PEX5L: variants seen among roughly 807,000 people sequenced by gnomAD.
PEX5L encodes peroxisomal biogenesis factor 5 like.
A neutral mutation model predicts 84.0 loss-of-function variants in PEX5L; 30 were observed. The observed-to-expected ratio is 0.36, with a 90% CI of 0.27 to 0.48. The LOEUF (loss-of-function observed/expected upper bound fraction) is 0.48. Ranked by LOEUF, PEX5L falls within the 20% of genes least tolerant of loss-of-function variation. The pLI is 0.99. For missense variants in PEX5L, 533 were observed against 754.6 expected, an observed-to-expected ratio of 0.71 and a Z score of 3.44; for synonymous variants, 270 against 283.1, an observed-to-expected ratio of 0.95 and a Z score of 0.46.
At chr3:180,030,428 C>T (rs1451289449) in intron 1 of PEX5L, among the ~76,000 whole-genome samples, 1 of 152,202 alleles carries the variant, frequency 6.6e-6, no homozygotes, top group Non-Finnish European at 1.5e-5. Context: ...CCTAACTTAA[C>T]ACCAGTTTTA....
chr3:180,017,342 T>C (rs1790032400), intron 1 of PEX5L, among the ~76,000 whole-genome samples: 1 of 152,194 alleles, frequency 6.6e-6, no homozygotes. Flanking sequence ...AAAAAGAATA[T>C]ATGGATTACA....
At chr3:179,942,758 C>T (rs1776498158) in intron 2 of PEX5L, among the ~76,000 whole-genome samples, 1 of 152,224 alleles carries the variant, frequency 6.6e-6, no homozygotes, top group African/African-American at 2.4e-5. Flanking sequence ...TTGATGGGAA[C>T]AGGGAGTTAG....
At chr3:179,815,500 G>A (rs993107876) in intron 10 of PEX5L, among the ~76,000 whole-genome samples, 14 of 152,330 alleles carry the variant, frequency 9.2e-5, no homozygotes, top group Middle Eastern at 3.4e-3. Flanking sequence ...CAGGGGAATC[G>A]CTTGAACCTG....
intron 1 of PEX5L, among the ~76,000 whole-genome samples, chr3:180,035,375 C>G (rs983310375): frequency 8.5e-5 from 13 of 152,056 alleles, no homozygotes; most frequent in African/African-American, 3.1e-4. Flanking sequence ...ACTTCATTCA[C>G]TACTTTTTGT....
chr3:179,829,943 A>ATTTTT (rs11352022), intron 8 of PEX5L, among the ~76,000 whole-genome samples: 15 of 83,626 alleles, frequency 1.8e-4, no homozygotes, highest in African/African-American at 3.4e-4. Flanking sequence ...GGCCTGGCTA[A>ATTTTT]TTTTTTTTTT....
At chr3:179,990,468 T>C (rs7647006) in intron 1 of PEX5L, among the ~76,000 whole-genome samples, 60,032 of 151,910 alleles carry the variant, frequency 0.4, 12,611 homozygotes, top group African/African-American at 0.55. Context: ...ACATGATCAA[T>C]GTTCACTGTA....
At chr3:179,867,198 T>C (rs1293539660) in intron 7 of PEX5L, among the ~76,000 whole-genome samples, 1 of 152,096 alleles carries the variant, frequency 6.6e-6, no homozygotes, top group African/African-American at 2.4e-5. Flanking sequence ...AAATAAGTGC[T>C]GATTTGTGAA....
chr3:179,834,992 C>T (rs80040975), intron 8 of PEX5L, among the ~76,000 whole-genome samples: 15,178 of 152,054 alleles, frequency 0.1, 1,016 homozygotes, highest in South Asian at 0.18. Context: ...TCAAGACACA[C>T]GAAGACATAG....
chr3:179,907,718 C>G (rs1203084241), intron 2 of PEX5L, among the ~76,000 whole-genome samples: 2 of 152,084 alleles, frequency 1.3e-5, no homozygotes, highest in Non-Finnish European at 2.9e-5. Flanking sequence ...TAGAATTATA[C>G]TATATCATTT....
chr3:179,942,630 G>A (rs1353939165), intron 2 of PEX5L, among the ~76,000 whole-genome samples: 1 of 152,202 alleles, frequency 6.6e-6, no homozygotes, highest in East Asian at 1.9e-4. Context: ...TTTCTTCCCA[G>A]GACTCTGCCT....
intron 8 of PEX5L, among the ~76,000 whole-genome samples, chr3:179,821,899 C>G (rs977309091): frequency 2.0e-5 from 3 of 152,132 alleles, no homozygotes; most frequent in Non-Finnish European, 4.4e-5. Context: ...TTTTTCCTGC[C>G]TCTTCATACT....
intron 2 of PEX5L, among the ~76,000 whole-genome samples, chr3:179,946,095 T>C (rs1777474954): frequency 6.6e-6 from 1 of 152,012 alleles, no homozygotes; most frequent in Non-Finnish European, 1.5e-5. Flanking sequence ...TCTTCATTGC[T>C]CTGTACTTGG....
At chr3:179,987,212 G>A (rs1397009164) in intron 1 of PEX5L, among the ~76,000 whole-genome samples, 3 of 151,942 alleles carry the variant, frequency 2.0e-5, no homozygotes, top group African/African-American at 7.3e-5. Context: ...AATATTATTA[G>A]CTGATATCTT....
intron 1 of PEX5L, among the ~76,000 whole-genome samples, chr3:180,023,711 T>C (rs2110516337): frequency 6.6e-6 from 1 of 151,898 alleles, no homozygotes; most frequent in South Asian, 2.1e-4. Flanking sequence ...ATATATTTGG[T>C]AAAATAGAGC....
chr3:179,913,557 T>C (rs1765915042), intron 2 of PEX5L, among the ~76,000 whole-genome samples: 1 of 152,118 alleles, frequency 6.6e-6, no homozygotes, highest in Non-Finnish European at 1.5e-5. Flanking sequence ...ATTTGCTCAG[T>C]AGGCTTAGAG....
At chr3:179,858,739 T>C (rs1284416975) in intron 8 of PEX5L, among the ~76,000 whole-genome samples, 1 of 152,174 alleles carries the variant, frequency 6.6e-6, no homozygotes, top group Non-Finnish European at 1.5e-5. Flanking sequence ...AGCAAATCCA[T>C]AGCATTGGTT....
At chr3:179,887,650 AC>A in intron 4 of PEX5L, 22 bp downstream of exon 4, 1 of 1,385,200 alleles carries the variant, frequency 7.2e-7, no homozygotes, top group Non-Finnish European at 1.0e-6. Context: ...TAGTTGAGGA[AC>A]AGTTAAAAGT....
At chr3:179,874,731 T>TTTTTTTG in intron 6 of PEX5L, among the ~76,000 whole-genome samples, 1 of 60,224 alleles carries the variant, frequency 1.7e-5, no homozygotes, top group Admixed American at 2.1e-4. Context: ...TTATGGTTTT[T>TTTTTTTG]TTTTTTGTTT....
intron 1 of PEX5L, among the ~76,000 whole-genome samples, chr3:180,003,209 T>C: frequency 6.6e-6 from 1 of 152,238 alleles, no homozygotes; most frequent in East Asian, 1.9e-4. Flanking sequence ...GAAAACTCAG[T>C]CTCTAAAGGG....
Sources: gnomAD v4.1 joint callset for allele counts (sites outside exome capture counted in the v4.1 genomes callset) on GRCh38, gnomAD v4.1.1 for gene constraint, MANE v1.5 for transcripts, NCBI Gene and HGNC (gene_info 2026-07-23, HGNC 2026-07-21) for gene names.